Variants in PRDM5 observed in about 807,000 individuals in gnomAD.
PRDM5 encodes the protein PR domain zinc finger protein 5.
In PRDM5, 56 loss-of-function variants were observed where a neutral mutation model predicts 81.2. The observed-to-expected ratio is 0.69, with a 90% confidence interval of 0.56 to 0.86. The LOEUF is 0.86. Ranked by LOEUF, PRDM5 falls within the 40% of genes least tolerant of loss-of-function variation. The pLI, the probability that PRDM5 is intolerant of heterozygous loss-of-function variation, is 0.00. For synonymous variants in PRDM5, 267 were observed against 256.4 expected (o/e 1.04, Z -0.39); for missense variants, 697 against 770.1 (o/e 0.91, Z 1.12).
chr4:120,895,855 T>C lies in PRDM5; in HGVS notation c.177+11619A>G, dbSNP rs150233375. Among the ~76,000 whole-genome samples the C allele has an allele frequency of 2.9e-3, 437 of 152,322 alleles. 2 individuals carry two copies. The highest frequency in any genetic ancestry group is 0.01 in the African/African-American group (421 of 41,578). On this transcript the variant is annotated intron_variant, in intron 2 of 15. Transcript: ENST00000264808. ...CCATGCCTGGCTAATTTATTTTTTGTAGAGACAGGGTCTTGCTTTGTTGCA... is the reference window on the plus strand; with the variant it reads ...CCATGCCTGGCTAATTTATTTTTTGCAGAGACAGGGTCTTGCTTTGTTGCA...
intron 3 of PRDM5, among the ~76,000 whole-genome samples, chr4:120,842,407 C>CA (rs1187633908): frequency 5.3e-5 from 8 of 152,156 alleles, no homozygotes; most frequent in African/African-American, 1.9e-4. Context: ...AAGGTACATT[C>CA]AACTAGGTGT....
chr4:120,701,653 A>T (rs1735388678), intron 15 of PRDM5, among the ~76,000 whole-genome samples: 1 of 152,116 alleles, frequency 6.6e-6, no homozygotes, highest in South Asian at 2.1e-4. Flanking sequence ...AACAATAGCG[A>T]CTGGGGACTA....
chr4:120,790,056 G>A (rs1385804886), intron 10 of PRDM5, among the ~76,000 whole-genome samples: 1 of 152,154 alleles, frequency 6.6e-6, no homozygotes, highest in East Asian at 1.9e-4. Context: ...ATAGAAGGTA[G>A]CAACAAAGAT....
chr4:120,918,287 C>T (rs1245353948), intron 1 of PRDM5, among the ~76,000 whole-genome samples: 2 of 152,178 alleles, frequency 1.3e-5, no homozygotes, highest in Admixed American at 1.3e-4. Flanking sequence ...GCATATACGG[C>T]AGGCTTCATG....
chr4:120,728,242 T>C (rs976902631), intron 14 of PRDM5, among the ~76,000 whole-genome samples: 2 of 152,034 alleles, frequency 1.3e-5, no homozygotes, highest in Non-Finnish European at 2.9e-5. Flanking sequence ...TCATAATCAC[T>C]GTAAATCAGA....
intron 2 of PRDM5, among the ~76,000 whole-genome samples, chr4:120,898,140 T>C (rs992778570): frequency 3.3e-5 from 5 of 152,138 alleles, no homozygotes; most frequent in Non-Finnish European, 5.9e-5. Flanking sequence ...AGTGAGGTGA[T>C]TCACAGCTGG....
intron 2 of PRDM5, among the ~76,000 whole-genome samples, chr4:120,865,943 T>A (rs1372981266): frequency 6.6e-6 from 1 of 151,978 alleles, no homozygotes; most frequent in African/African-American, 2.4e-5. Context: ...AACTCTTAGA[T>A]TTGGGGCATG....
intron 2 of PRDM5, among the ~76,000 whole-genome samples, chr4:120,864,511 C>A (rs1477351879): frequency 2.0e-5 from 3 of 152,122 alleles, no homozygotes; most frequent in Non-Finnish European, 2.9e-5. Flanking sequence ...AGGAACACAG[C>A]AAATCCTTTC....
chr4:120,860,081 A>G (rs994539727), intron 2 of PRDM5, among the ~76,000 whole-genome samples: 1 of 152,226 alleles, frequency 6.6e-6, no homozygotes, highest in Non-Finnish European at 1.5e-5. Context: ...TAAACAATCC[A>G]TATTAAGAAA....
At chr4:120,754,887 A>G (rs1410314545) in intron 13 of PRDM5, among the ~76,000 whole-genome samples, 2 of 152,234 alleles carry the variant, frequency 1.3e-5, no homozygotes, top group Non-Finnish European at 2.9e-5. Flanking sequence ...AACATTTGCC[A>G]GTAGCATATT....
chr4:120,699,944 A>AAAAT (rs5861483), intron 15 of PRDM5, among the ~76,000 whole-genome samples: 58,198 of 148,428 alleles, frequency 0.39, 11,626 homozygotes, highest in African/African-American at 0.45. Flanking sequence ...ATATAGAACC[A>AAAAT]AAATAAATAA....
chr4:120,730,865 G>C (rs1437843372), intron 14 of PRDM5, among the ~76,000 whole-genome samples: 1 of 152,132 alleles, frequency 6.6e-6, no homozygotes, highest in Non-Finnish European at 1.5e-5. Flanking sequence ...AGTTCATAAA[G>C]GAGTTTAGTA....
chr4:120,876,437 AC>A, intron 2 of PRDM5, among the ~76,000 whole-genome samples: 3 of 152,222 alleles, frequency 2.0e-5, no homozygotes, highest in Non-Finnish European at 4.4e-5. Context: ...TGTGTCAATT[AC>A]AAAGATTTTG....
At chr4:120,711,563 G>A (rs1736991592) in intron 14 of PRDM5, among the ~76,000 whole-genome samples, 1 of 151,614 alleles carries the variant, frequency 6.6e-6, no homozygotes, top group Non-Finnish European at 1.5e-5. Flanking sequence ...ACCTGCTTTG[G>A]CCTCCCAAAG....
intron 13 of PRDM5, among the ~76,000 whole-genome samples, chr4:120,763,568 T>C (rs1387407621): frequency 6.6e-6 from 1 of 152,134 alleles, no homozygotes; most frequent in African/African-American, 2.4e-5. Flanking sequence ...AAACAAAAAC[T>C]CTTCCATGAG....
chr4:120,784,886 G>C, intron 11 of PRDM5, 112 bp downstream of exon 11: 1 of 838,320 alleles, frequency 1.2e-6, no homozygotes, highest in Non-Finnish European at 1.9e-6. Context: ...TTTACAGTCA[G>C]ATTATATAAA....
At chr4:120,804,637 G>C (rs934026596) in intron 8 of PRDM5, among the ~76,000 whole-genome samples, 4 of 152,182 alleles carry the variant, frequency 2.6e-5, no homozygotes, top group African/African-American at 9.7e-5. Flanking sequence ...AAATAAAGAT[G>C]TTCTTTGAAA....
intron 10 of PRDM5, among the ~76,000 whole-genome samples, chr4:120,795,304 C>A (rs1483491139): frequency 6.6e-6 from 1 of 152,112 alleles, no homozygotes; most frequent in African/African-American, 2.4e-5. Context: ...AAGCACTGTA[C>A]AACTTACCCA....
At chr4:120,844,676 TGA>T (rs1758445723) in intron 3 of PRDM5, among the ~76,000 whole-genome samples, 1 of 152,126 alleles carries the variant, frequency 6.6e-6, no homozygotes, top group Non-Finnish European at 1.5e-5. Flanking sequence ...AATACTGAAA[TGA>T]GGTCAATTAA....
Sources: gnomAD v4.1 joint callset for allele counts (sites outside exome capture counted in the v4.1 genomes callset) on GRCh38, gnomAD v4.1.1 for gene constraint, MANE v1.5 for transcripts, NCBI Gene and HGNC (gene_info 2026-07-23, HGNC 2026-07-21) for gene names.